The following ADAMTS17 variants were observed in gnomAD, a reference collection of about 807,000 sequenced individuals.
ADAMTS17 encodes ADAM metallopeptidase with thrombospondin type 1 motif 17, also known as A disintegrin and metalloproteinase with thrombospondin motifs 17.
ADAMTS17 carries 113 observed loss-of-function variants against 141.5 expected under a neutral mutation model. That is an observed-to-expected ratio of 0.80 (90% CI 0.69 to 0.93). ADAMTS17 has a LOEUF of 0.93. Ranked by LOEUF, ADAMTS17 falls within the 40% of genes least tolerant of loss-of-function variation. The pLI, the probability that ADAMTS17 is intolerant of heterozygous loss-of-function variation, is 0.00. For missense variants in ADAMTS17, 1,659 were observed against 1,517.9 expected (o/e 1.09, Z -1.54); for synonymous variants, 768 against 630.6 (o/e 1.22, Z -3.27).
At chr15:100,054,572 TC>T (rs1252650291) in intron 15 of ADAMTS17, among the ~76,000 whole-genome samples, 1 of 152,146 alleles carries the variant, frequency 6.6e-6, no homozygotes, top group Non-Finnish European at 1.5e-5. Context: ...GGATCTGATA[TC>T]CCCCCATTAC....
chr15:100,068,056 A>C (rs949022787), intron 15 of ADAMTS17, among the ~76,000 whole-genome samples: 5 of 152,162 alleles, frequency 3.3e-5, no homozygotes, highest in African/African-American at 7.2e-5. Flanking sequence ...TCCCACCCTA[A>C]TACTGTGCTT....
At chr15:100,331,341 T>C (rs564515609) in intron 2 of ADAMTS17, among the ~76,000 whole-genome samples, 1 of 152,298 alleles carries the variant, frequency 6.6e-6, no homozygotes, top group East Asian at 1.9e-4. Context: ...CATTATCAAA[T>C]TTTTAATTTT....
At chr15:100,284,967 T>C (rs928406847) in intron 3 of ADAMTS17, among the ~76,000 whole-genome samples, 18 of 152,182 alleles carry the variant, frequency 1.2e-4, no homozygotes, top group Admixed American at 2.0e-4. Flanking sequence ...GAATGAAGGG[T>C]GGCTCTCGCC....
intron 18 of ADAMTS17, among the ~76,000 whole-genome samples, chr15:100,031,395 C>A (rs1567695644): frequency 1.3e-5 from 2 of 152,192 alleles, no homozygotes; most frequent in East Asian, 3.8e-4. Context: ...AATATGTCTG[C>A]AGAAACTGCT....
chr15:100,181,630 C>T (rs888418102), intron 8 of ADAMTS17, among the ~76,000 whole-genome samples: 55 of 152,200 alleles, frequency 3.6e-4, no homozygotes, highest in African/African-American at 1.3e-3. Context: ...TGGCCTAGAA[C>T]GGGGGCCTTA....
At chr15:100,313,774 A>G (rs939612699) in intron 3 of ADAMTS17, among the ~76,000 whole-genome samples, 1 of 150,484 alleles carries the variant, frequency 6.6e-6, no homozygotes, top group Admixed American at 6.6e-5. Context: ...CGTCACCATG[A>G]AGAAACGTCA....
In ADAMTS17 at chr15:100,306,317, T is replaced by C. The variant is rs74392898; in HGVS notation, c.616+24572A>G. On this transcript the variant is annotated intron_variant, in intron 3 of 21. Transcript: ENST00000268070. ...CTTCAGAGTGATGCTCTAGGATTTC[T>C]GAGGCTGATCCTCAAAGGCAGCACA... The C allele has an allele frequency of 5.6e-3, 2,056 of 366,170 alleles. 33 individuals are homozygous for C. Among genetic ancestry groups the C allele is most frequent in the African/African-American group, 0.032 (1,511 of 47,112 alleles). 22.7% of individuals were successfully genotyped at this position (366,170 alleles called of 1,614,324 possible). A position where few individuals can be genotyped will look rare whatever the true frequency, so the allele number is the denominator to read the frequency against.
At chr15:100,103,421 T>C (rs948786688) in intron 14 of ADAMTS17, among the ~76,000 whole-genome samples, 1 of 152,250 alleles carries the variant, frequency 6.6e-6, no homozygotes, top group African/African-American at 2.4e-5. Context: ...TCTCCTAAAC[T>C]TCCCCAGTAA....
chr15:100,169,114 T>C (rs1020581898), intron 8 of ADAMTS17, among the ~76,000 whole-genome samples: 4 of 152,180 alleles, frequency 2.6e-5, no homozygotes, highest in African/African-American at 9.7e-5. Context: ...TCTGTGAAGG[T>C]TGCTACTCAT....
chr15:100,053,775 C>G lies in ADAMTS17; in HGVS notation c.2295+122G>C, dbSNP rs2032327223. On this transcript the variant is annotated intron_variant, in intron 16 of 21. Transcript: ENST00000268070. ...ACTGAGCAGCAGGGGACGGCATAAACCCCTGGAAGCCAGATGCATTTCCTG... is the reference window on the plus strand; with the variant it reads ...ACTGAGCAGCAGGGGACGGCATAAAGCCCTGGAAGCCAGATGCATTTCCTG... The G allele has an allele frequency of 9.0e-6, 13 of 1,451,930 alleles. No homozygotes were observed. The East Asian group carries it at 3.0e-4, about 33-fold the overall frequency. 89.9% of individuals were successfully genotyped at this position (1,451,930 alleles called of 1,614,324 possible). A position where few individuals can be genotyped will look rare whatever the true frequency, so the allele number is the denominator to read the frequency against.
At chr15:100,183,844 C>A (rs2040609439) in intron 8 of ADAMTS17, among the ~76,000 whole-genome samples, 2 of 152,168 alleles carry the variant, frequency 1.3e-5, no homozygotes, top group African/African-American at 4.8e-5. Flanking sequence ...TTTCAGAGGC[C>A]CTGCAATGTT....
At chr15:100,141,299 T>C (rs1337394160) in intron 10 of ADAMTS17, among the ~76,000 whole-genome samples, 1 of 152,166 alleles carries the variant, frequency 6.6e-6, no homozygotes, top group Non-Finnish European at 1.5e-5. Flanking sequence ...TTCGCCACTT[T>C]TCTTCAACTG....
rs1019162927 is a variant in ADAMTS17, at chr15:100,063,856, A to C, written c.2138-9802T>G. ...CCAAAATCTAGCTACCAAGCCCCCCACAGTGGCTTCAGAAATGGAGGGCTG... is the reference window on the plus strand; with the variant it reads ...CCAAAATCTAGCTACCAAGCCCCCCCCAGTGGCTTCAGAAATGGAGGGCTG... On this transcript the variant is annotated intron_variant, in intron 15 of 21. Transcript: ENST00000268070. The C allele has an allele frequency of 3.7e-4, 302 of 819,980 alleles. 1 individual carries two copies. The highest frequency in any genetic ancestry group is 4.7e-4 in the Non-Finnish European group (264 of 563,700). The allele number at this position is 819,980 out of a possible 1,614,324, so 50.8% of individuals were successfully genotyped here.
At chr15:99,990,652 T>G in intron 20 of ADAMTS17, among the ~76,000 whole-genome samples, 2 of 149,780 alleles carry the variant, frequency 1.3e-5, no homozygotes, top group Admixed American at 6.7e-5. Context: ...ACTCAAAGGG[T>G]TTGGGGAACT....
chr15:100,087,754 T>C (rs561068810), intron 15 of ADAMTS17, among the ~76,000 whole-genome samples: 118 of 152,296 alleles, frequency 7.7e-4, no homozygotes, highest in Non-Finnish European at 1.3e-3. Flanking sequence ...ATTATCTCAA[T>C]AGATGCAGAA....
In ADAMTS17 at chr15:99,989,146, G is replaced by C. The variant is rs116686132; in HGVS notation, c.2949+3902C>G. ...GGTCCAGGAGCTTGGACTCTGCCGG[G>C]GGGTGTGGGCGAGTCACGGAACTGC... is the stretch of plus-strand genomic sequence containing the variant. On this transcript the variant is annotated intron_variant, in intron 20 of 21. Coordinates refer to ENST00000268070, the MANE Select transcript of ADAMTS17 (RefSeq NM_139057.4). Among the ~76,000 whole-genome samples, 1,352 of 152,310 alleles carry C rather than the reference G, an allele frequency of 8.9e-3. 24 individuals carry two copies. Among genetic ancestry groups the C allele is most frequent in the African/African-American group, 0.031 (1,283 of 41,562 alleles).
chr15:100,260,725 T>G (rs977212923), intron 6 of ADAMTS17, among the ~76,000 whole-genome samples: 4 of 152,176 alleles, frequency 2.6e-5, no homozygotes, highest in African/African-American at 7.2e-5. Flanking sequence ...TTCCACAACT[T>G]TACTTCCAAA....
At chr15:100,196,654 G>A (rs1175936170) in intron 8 of ADAMTS17, among the ~76,000 whole-genome samples, 5 of 152,260 alleles carry the variant, frequency 3.3e-5, no homozygotes, top group African/African-American at 1.2e-4. Flanking sequence ...TAAGGAATAT[G>A]GAGTTAAATG....
At chr15:100,058,661 G>GGGC (rs1330673226) in intron 15 of ADAMTS17, among the ~76,000 whole-genome samples, 1 of 152,042 alleles carries the variant, frequency 6.6e-6, no homozygotes, top group African/African-American at 2.4e-5. Flanking sequence ...GCCCGACACT[G>GGGC]GGCGGCAGCA....
Sources: allele counts gnomAD v4.1 joint callset (sites outside exome capture counted in the v4.1 genomes callset), GRCh38; gene constraint gnomAD v4.1.1; transcripts MANE v1.5; gene names NCBI Gene and HGNC (gene_info 2026-07-23, HGNC 2026-07-21).